The following ZNF92 variants were observed in gnomAD, a reference collection of about 807,000 sequenced individuals.
ZNF92 encodes zinc finger protein 92.
In ZNF92, 11 loss-of-function variants were observed where a neutral mutation model predicts 12.4. That is an observed-to-expected ratio of 0.89 (90% CI 0.56 to 1.47). The LOEUF is 1.47. Ranked by LOEUF, ZNF92 falls within the 40% of genes most tolerant of loss-of-function variation. The probability of loss-of-function intolerance (pLI) is 0.00; values close to 1 mark genes in which losing one functional copy is unlikely to be tolerated. For synonymous variants in ZNF92, 206 were observed against 228.6 expected (o/e 0.90, Z 0.89); for missense variants, 622 against 681.0 (o/e 0.91, Z 0.96).
At position 65,399,038 on chromosome 7, in the gene ZNF92, G is replaced by C. The variant is rs1793931601; in HGVS notation, c.924G>C (p.Met308Ile). 6.2e-7 allele frequency: 1 copy of C among 1,608,702 alleles called. No homozygotes were observed. Residue 308 changes from methionine to isoleucine, a missense_variant, in exon 4 of 4, where the codon ATG becomes ATC. Met to Ile is a conservative substitution (Grantham distance 10, BLOSUM62 1). Transcript: ENST00000328747. ...TTAATAAACATAAGAGAATTCATAT[G>C]GAAGATAAACCCTACAAATGTGAAG... ...SILNKHKRIH[M>I]EDKPYKCEEC...
At chr7:65,374,043 T>C in intron 1 of ZNF92, 43 bp downstream of exon 1, 2 of 1,613,698 alleles carry the variant, frequency 1.2e-6, no homozygotes, top group Non-Finnish European at 1.7e-6. Context: ...GGGGAGGGTC[T>C]GGCTGGAACC....
rs536694965 is a variant in ZNF92 at position 65,400,203 on chromosome 7, A to G, written c.*328A>G. 4.2e-5 allele frequency: 8 copies of G among 188,890 alleles called. No individual in the cohort carries two copies. The East Asian group carries it at 7.7e-4, about 18-fold the overall frequency. 11.7% of individuals were successfully genotyped at this position (188,890 alleles called of 1,614,324 possible). On this transcript the variant is annotated 3_prime_UTR_variant, in exon 4 of 4. Coordinates refer to ENST00000328747, the MANE Select transcript of ZNF92 (RefSeq NM_152626.4). ...ATTACCGTCAAATCTTTCAGAAAAT[A>G]TAAGCCTTTAATACGAGGAAGAGTA...
intron 1 of ZNF92, among the ~76,000 whole-genome samples, chr7:65,377,938 C>T (rs567584707): frequency 6.6e-6 from 1 of 152,100 alleles, no homozygotes; most frequent in African/African-American, 2.4e-5. Context: ...AGTATTGCAA[C>T]AGGAGGAAGT....
At chr7:65,397,795 G>C (rs1250282667) in intron 3 of ZNF92, among the ~76,000 whole-genome samples, 1 of 151,068 alleles carries the variant, frequency 6.6e-6, no homozygotes, top group Non-Finnish European at 1.5e-5. Flanking sequence ...TGCTACACGT[G>C]TTCGCTGTCT....
At chr7:65,397,244 C>G (rs7456167) in intron 3 of ZNF92, among the ~76,000 whole-genome samples, 1 of 152,036 alleles carries the variant, frequency 6.6e-6, no homozygotes, top group Non-Finnish European at 1.5e-5. Context: ...CTCTTCTTGT[C>G]TGTAACTTCT....
At position 65,398,823 on chromosome 7, in the gene ZNF92, G is replaced by A; in HGVS notation, c.709G>A (p.Ala237Thr). The change falls in exon 4 of 4, where the codon GCT becomes ACT. Residue 237 changes from alanine (A) to threonine (T), a missense_variant. Ala to Thr is a moderately conservative substitution (Grantham distance 58, BLOSUM62 0). Transcript: ENST00000328747. ...CTACAAATGTGAAGAATGTGGCAAA[G>A]CTTTTAACCGGTCCTCAAATCTTAC... is the stretch of plus-strand genomic sequence containing the variant. ...KPYKCEECGKAFNRSSNLTKH... is the reference protein window; with the variant it reads ...KPYKCEECGKTFNRSSNLTKH... The A allele has an allele frequency of 6.2e-7, 1 of 1,612,774 alleles. No individual in the cohort carries two copies.
chr7:65,399,137 C>T lies in ZNF92; in HGVS notation c.1023C>T (p.Tyr341=), dbSNP rs1249600208. 2 of 1,613,286 alleles carry T rather than the reference C, an allele frequency of 1.2e-6. No individual in the cohort carries two copies. The highest frequency in any genetic ancestry group is 2.2e-5 in the East Asian group (1 of 44,836). ...HKIIHTGEKP[Y]KCEECGKAFN... is the part of the protein sequence containing the mutation. ...TAATCCATACTGGGGAAAAACCATA[C>T]AAATGTGAAGAATGTGGCAAAGCCT... The change falls in exon 4 of 4, where the codon TAC becomes TAT. Residue 341 remains tyrosine, a synonymous_variant. Transcript: ENST00000328747.
At chr7:65,374,049 G>C in intron 1 of ZNF92, 49 bp downstream of exon 1, 1 of 1,613,542 alleles carries the variant, frequency 6.2e-7, no homozygotes, top group South Asian at 1.1e-5. Flanking sequence ...GGTCTGGCTG[G>C]AACCGATTGG....
chr7:65,390,264 G>T (rs17139528), intron 3 of ZNF92, among the ~76,000 whole-genome samples: 42,342 of 151,908 alleles, frequency 0.28, 7,749 homozygotes, highest in African/African-American at 0.49. Context: ...TGTCTTCAAT[G>T]TCAATGGCTT....
Position 65,400,066 on chromosome 7 carries a change from C to A in ZNF92, c.*191C>A. 1 of 511,802 alleles carries A rather than the reference C, an allele frequency of 2.0e-6. No individual in the cohort carries two copies. The highest frequency in any genetic ancestry group is 3.3e-6 in the Non-Finnish European group (1 of 299,760). The allele number at this position is 511,802 out of a possible 1,614,324, so 31.7% of individuals were successfully genotyped here. ...GGCAAACTTTTAACCAATCCTCACA[C>A]CTTATTGCACAGGAAAGCATTTATA... On this transcript the variant is annotated 3_prime_UTR_variant, in exon 4 of 4. Coordinates refer to ENST00000328747, the MANE Select transcript of ZNF92 (RefSeq NM_152626.4).
chr7:65,381,561 G>C (rs1401886804), intron 1 of ZNF92, among the ~76,000 whole-genome samples: 1 of 151,710 alleles, frequency 6.6e-6, no homozygotes, highest in Non-Finnish European at 1.5e-5. Flanking sequence ...ATCGATTTTT[G>C]CTTTTGTGGC....
Position 65,398,405 on chromosome 7 carries a change from A to C in ZNF92, c.291A>C (p.Lys97Asn), listed in dbSNP as rs1334252318. 1 of 1,607,760 alleles carries C rather than the reference A, an allele frequency of 6.2e-7. No homozygotes were observed. Among genetic ancestry groups the C allele is most frequent in the Non-Finnish European group, 8.5e-7 (1 of 1,178,114 alleles). Residue 97 changes from lysine (K) to asparagine (N), a missense_variant, in exon 4 of 4, where the codon AAA becomes AAC. Transcript: ENST00000328747. ...ACAGCATAAAAGATTCTTTCCAAAA[A>C]GTGATACTGAGAACATATGGAAAAT... ...PEHSIKDSFQKVILRTYGKYG... is the reference protein window; with the variant it reads ...PEHSIKDSFQNVILRTYGKYG...
chr7:65,388,130 C>G lies in ZNF92; in HGVS notation c.130+102C>G. 2 of 1,295,490 alleles carry G rather than the reference C, an allele frequency of 1.5e-6. 1 individual carries two copies. Among genetic ancestry groups the G allele is most frequent in the South Asian group, 2.8e-5 (2 of 72,440 alleles). The allele number at this position is 1,295,490 out of a possible 1,614,324, so 80.2% of individuals were successfully genotyped here. On this transcript the variant is annotated intron_variant, in intron 2 of 3. Coordinates refer to ENST00000328747, the MANE Select transcript of ZNF92 (RefSeq NM_152626.4). ...ATTTATGCTTTGCATAAATGAGTTT[C>G]AGATCCCAGTTTTCAAGAAAACAGA...
rs949296774 is a variant in ZNF92, at chr7:65,400,008, A to G, written c.*133A>G. 2 of 809,418 alleles carry G rather than the reference A, an allele frequency of 2.5e-6. No individual in the cohort carries two copies. Among genetic ancestry groups the G allele is most frequent in the South Asian group, 2.6e-5 (1 of 38,848 alleles). 50.1% of individuals were successfully genotyped at this position (809,418 alleles called of 1,614,324 possible). A position where few individuals can be genotyped will look rare whatever the true frequency, so the allele number is the denominator to read the frequency against. On this transcript the variant is annotated 3_prime_UTR_variant, in exon 4 of 4. Transcript: ENST00000328747. ...CTTGATTGTAGGTAAGATAATTTATATTGGAGAAAAATCCTCCAAGTATGA... is the reference window on the plus strand; with the variant it reads ...CTTGATTGTAGGTAAGATAATTTATGTTGGAGAAAAATCCTCCAAGTATGA...
intron 3 of ZNF92, among the ~76,000 whole-genome samples, chr7:65,392,834 G>C (rs1793750792): frequency 6.6e-6 from 1 of 151,946 alleles, no homozygotes; most frequent in African/African-American, 2.4e-5. Context: ...ACCGTGCCCG[G>C]CCAGAGCCCA....
chr7:65,393,734 A>T (rs558377180), intron 3 of ZNF92, among the ~76,000 whole-genome samples: 1 of 152,150 alleles, frequency 6.6e-6, no homozygotes, highest in East Asian at 1.9e-4. Flanking sequence ...CTTTTTATGC[A>T]TTTCTCTATA....
intron 1 of ZNF92, among the ~76,000 whole-genome samples, chr7:65,376,905 A>G (rs1230579757): frequency 1.3e-5 from 2 of 152,184 alleles, no homozygotes; most frequent in East Asian, 3.8e-4. Flanking sequence ...GGTGAGTTAC[A>G]TAGATTCACT....
At chr7:65,385,709 C>A (rs1297379394) in intron 1 of ZNF92, among the ~76,000 whole-genome samples, 1 of 152,050 alleles carries the variant, frequency 6.6e-6, no homozygotes, top group Admixed American at 6.6e-5. Flanking sequence ...AGGTCTTGGA[C>A]CTTCTGCCTG....
Position 65,399,997 on chromosome 7 carries a change from A to C in ZNF92, c.*122A>C. ...TGGTTGTCACGCTTGATTGTAGGTA[A>C]GATAATTTATATTGGAGAAAAATCC... On this transcript the variant is annotated 3_prime_UTR_variant, in exon 4 of 4. Transcript: ENST00000328747. 1 of 912,988 alleles carries C rather than the reference A, an allele frequency of 1.1e-6. No homozygotes were observed. The highest frequency in any genetic ancestry group is 1.6e-6 in the Non-Finnish European group (1 of 635,756). 56.6% of individuals were successfully genotyped at this position (912,988 alleles called of 1,614,324 possible).
Sources: gnomAD v4.1 joint callset for allele counts (sites outside exome capture counted in the v4.1 genomes callset) on GRCh38, gnomAD v4.1.1 for gene constraint, MANE v1.5 for transcripts, NCBI Gene and HGNC (gene_info 2026-07-23, HGNC 2026-07-21) for gene names.